RBM47: variants seen among roughly 807,000 people sequenced by gnomAD.
RBM47 encodes RNA binding motif protein 47, also known as RNA-binding protein 47.
A neutral mutation model predicts 47.1 loss-of-function variants in RBM47; 21 were observed. The observed-to-expected ratio is 0.45, with a 90% CI of 0.32 to 0.64. The LOEUF is 0.64. Ranked by LOEUF, RBM47 falls within the 30% of genes least tolerant of loss-of-function variation. The pLI is 0.05. For missense variants in RBM47, 708 were observed against 870.9 expected (o/e 0.81, Z 2.35); for synonymous variants, 375 against 361.7 (o/e 1.04, Z -0.42).
chr4:40,533,952 A>AT (rs1727658647), intron 2 of RBM47, among the ~76,000 whole-genome samples: 1 of 151,630 alleles, frequency 6.6e-6, no homozygotes, highest in Non-Finnish European at 1.5e-5. Context: ...AGTGGCTGGG[A>AT]TTACAGGCAT....
chr4:40,546,673 T>TA (rs542484210), intron 1 of RBM47, among the ~76,000 whole-genome samples: 126 of 152,332 alleles, frequency 8.3e-4, no homozygotes, highest in African/African-American at 2.9e-3. Context: ...AGCTTCTGAT[T>TA]AACATACAGT....
intron 2 of RBM47, among the ~76,000 whole-genome samples, chr4:40,541,977 G>C (rs1728589341): frequency 6.6e-6 from 1 of 152,150 alleles, no homozygotes. Context: ...CAGAGACAAA[G>C]AAATGTGGAC....
At chr4:40,429,449 G>A (rs764069782) in intron 6 of RBM47, among the ~76,000 whole-genome samples, 16 of 151,968 alleles carry the variant, frequency 1.1e-4, no homozygotes, top group Non-Finnish European at 1.8e-4. Context: ...GGCATCCACT[G>A]GGGGTCTTGG....
intron 2 of RBM47, among the ~76,000 whole-genome samples, chr4:40,519,142 T>C (rs1424824453): frequency 3.9e-5 from 6 of 152,006 alleles, no homozygotes; most frequent in Non-Finnish European, 8.8e-5. Context: ...CTCACTGTAG[T>C]TGAGGCTACA....
Position 40,530,029 on chromosome 4 carries a change from G to A in RBM47, c.-155+14393C>T, listed in dbSNP as rs7691546. The stretch of plus-strand genomic sequence containing the variant: ...CGGCTCACTGCAACCTCCGCTTCCC[G>A]GGTTCAAGCGATTCTCCTGGCTCAG... On this transcript the variant is annotated intron_variant, in intron 2 of 6. Transcript: ENST00000295971. Among the ~76,000 whole-genome samples, 390 of 131,408 alleles carry A rather than the reference G, an allele frequency of 3.0e-3. 2 individuals carry two copies. Among genetic ancestry groups the A allele is most frequent in the African/African-American group, 0.01 (366 of 35,158 alleles). The allele number at this position is 131,408 out of a possible 152,430, so 86.2% of individuals were successfully genotyped here. A position where few individuals can be genotyped will look rare whatever the true frequency, so the allele number is the denominator to read the frequency against.
intron 1 of RBM47, among the ~76,000 whole-genome samples, chr4:40,561,906 T>C (rs1730673735): frequency 6.6e-6 from 1 of 152,152 alleles, no homozygotes; most frequent in Admixed American, 6.6e-5. Context: ...TGTCCTTCTC[T>C]CATTCATTTA....
chr4:40,497,555 G>C (rs962581107), intron 2 of RBM47, among the ~76,000 whole-genome samples: 8 of 152,008 alleles, frequency 5.3e-5, no homozygotes, highest in Non-Finnish European at 1.0e-4. Flanking sequence ...GGAAGTCAAG[G>C]CTGCACTGCA....
At chr4:40,570,943 C>T (rs989768377) in intron 1 of RBM47, among the ~76,000 whole-genome samples, 5 of 151,936 alleles carry the variant, frequency 3.3e-5, no homozygotes, top group Non-Finnish European at 2.9e-5. Flanking sequence ...CGGCTGGGCG[C>T]GGTGGCTCAC....
At chr4:40,521,270 G>C (rs1485404345) in intron 2 of RBM47, among the ~76,000 whole-genome samples, 2 of 152,072 alleles carry the variant, frequency 1.3e-5, no homozygotes, top group African/African-American at 2.4e-5. Context: ...GCACAATCTA[G>C]GCTCACTGAA....
At chr4:40,452,749 GT>G (rs1715634357) in intron 3 of RBM47, among the ~76,000 whole-genome samples, 1 of 149,650 alleles carries the variant, frequency 6.7e-6, no homozygotes, top group Non-Finnish European at 1.5e-5. Flanking sequence ...CAGAATTTAT[GT>G]CTCTTCTTGG....
At chr4:40,454,693 T>A (rs1287347783) in intron 3 of RBM47, among the ~76,000 whole-genome samples, 1 of 152,182 alleles carries the variant, frequency 6.6e-6, no homozygotes, top group East Asian at 1.9e-4. Context: ...AGACAGGGTT[T>A]TGCCATGTTG....
intron 3 of RBM47, among the ~76,000 whole-genome samples, chr4:40,441,682 C>T (rs752444772): frequency 6.6e-6 from 1 of 152,214 alleles, no homozygotes; most frequent in Non-Finnish European, 1.5e-5. Flanking sequence ...GCCTTCCTGT[C>T]ACCCTAACTG....
At chr4:40,584,099 G>A (rs1443244793) in intron 1 of RBM47, among the ~76,000 whole-genome samples, 1 of 152,072 alleles carries the variant, frequency 6.6e-6, no homozygotes, top group Non-Finnish European at 1.5e-5. Context: ...GAGCAGCTGA[G>A]ACTACAGGCA....
intron 6 of RBM47, 46 bp from the exon 7 acceptor site, chr4:40,426,189 ACCTATCAT>A (rs1182403531): frequency 6.3e-7 from 1 of 1,576,682 alleles, no homozygotes; most frequent in Non-Finnish European, 8.6e-7. Flanking sequence ...ACGTGTATGT[ACCTATCAT>A]CCATTCATTC....
At chr4:40,443,325 TA>T (rs1183801956) in intron 3 of RBM47, among the ~76,000 whole-genome samples, 1 of 151,720 alleles carries the variant, frequency 6.6e-6, no homozygotes, top group Non-Finnish European at 1.5e-5. Context: ...TATACCACAG[TA>T]AAAACAAAAT....
intron 2 of RBM47, among the ~76,000 whole-genome samples, chr4:40,498,990 A>G (rs1036535416): frequency 6.6e-6 from 1 of 152,096 alleles, no homozygotes. Context: ...GGTTGCGGTG[A>G]GCCAAGATTA....
chr4:40,589,200 T>G (rs1733892126), intron 1 of RBM47, among the ~76,000 whole-genome samples: 1 of 151,474 alleles, frequency 6.6e-6, no homozygotes, highest in Admixed American at 6.6e-5. Flanking sequence ...ACTCCTGACC[T>G]CAAGTGATCC....
chr4:40,504,716 T>A (rs988308308), intron 2 of RBM47, among the ~76,000 whole-genome samples: 4 of 152,244 alleles, frequency 2.6e-5, no homozygotes, highest in Non-Finnish European at 5.9e-5. Context: ...GCCTTGTTAA[T>A]AGAAATTAAA....
At chr4:40,433,430 G>A (rs897673693) in intron 5 of RBM47, among the ~76,000 whole-genome samples, 4 of 152,118 alleles carry the variant, frequency 2.6e-5, no homozygotes, top group African/African-American at 9.7e-5. Context: ...TAAGGCTTTT[G>A]CACCAATATT....
Sources: gnomAD v4.1 joint callset for allele counts (sites outside exome capture counted in the v4.1 genomes callset) on GRCh38, gnomAD v4.1.1 for gene constraint, MANE v1.5 for transcripts, NCBI Gene and HGNC (gene_info 2026-07-23, HGNC 2026-07-21) for gene names.